Variants in HTR4 observed in about 807,000 individuals in gnomAD.
HTR4 encodes the protein 5-hydroxytryptamine (serotonin) receptor 4, G protein-coupled.
In HTR4, 16 loss-of-function variants were observed where a neutral mutation model predicts 36.8. The ratio of observed to expected loss-of-function variants is 0.43; its 90% CI spans 0.29 to 0.66. The LOEUF (loss-of-function observed/expected upper bound fraction) is 0.66, where lower values mean the gene tolerates loss of function less well. HTR4 is among the 30% of genes least tolerant of loss of function. The pLI is 0.13. For missense variants in HTR4, 438 were observed against 490.9 expected, an observed-to-expected ratio of 0.89 and a Z score of 1.02; for synonymous variants, 189 against 185.1, an observed-to-expected ratio of 1.02 and a Z score of -0.17.
At chr5:148,543,829 C>T (rs1355182675) in intron 4 of HTR4, among the ~76,000 whole-genome samples, 3 of 152,052 alleles carry the variant, frequency 2.0e-5, no homozygotes, top group East Asian at 1.9e-4. Flanking sequence ...TGATGCACCC[C>T]GTAAGAGATG....
chr5:148,483,193 T>A lies in HTR4; in HGVS notation c.*10A>T. ...GGCATGGCTGTCTTCTGGGTCATTG[T>A]CCCAGGGGCCTAAGTGTCACTGGGC... On this transcript the variant is annotated 3_prime_UTR_variant, in exon 7 of 7. Transcript: ENST00000377888. 1 of 1,613,920 alleles carries A rather than the reference T, an allele frequency of 6.2e-7. No individual in the cohort carries two copies. Among genetic ancestry groups the A allele is most frequent in the East Asian group, 2.2e-5 (1 of 44,840 alleles).
chr5:148,610,247 C>T (rs985538124), intron 2 of HTR4, among the ~76,000 whole-genome samples: 6 of 152,162 alleles, frequency 3.9e-5, no homozygotes, highest in East Asian at 1.9e-4. Context: ...CCAGCCTGAG[C>T]GACACAGAAG....
At chr5:148,622,310 G>A (rs1169231810) in intron 2 of HTR4, among the ~76,000 whole-genome samples, 1 of 152,110 alleles carries the variant, frequency 6.6e-6, no homozygotes, top group Non-Finnish European at 1.5e-5. Flanking sequence ...CTGCTTTGTG[G>A]ACTAATCTTT....
chr5:148,473,104 CCTGA>C (rs1755610848), downstream of HTR4, among the ~76,000 whole-genome samples: 1 of 151,876 alleles, frequency 6.6e-6, no homozygotes, highest in African/African-American at 2.4e-5. Context: ...TTGAGACCAT[CCTGA>C]CTAACATGGT....
chr5:148,609,951 T>G (rs573993610), intron 2 of HTR4, among the ~76,000 whole-genome samples: 1 of 152,284 alleles, frequency 6.6e-6, no homozygotes, highest in African/African-American at 2.4e-5. Context: ...TGAGTGAGAT[T>G]TGACTCCAGA....
intron 2 of HTR4, among the ~76,000 whole-genome samples, chr5:148,551,107 C>T (rs1759662816): frequency 6.6e-6 from 1 of 152,080 alleles, no homozygotes; most frequent in South Asian, 2.1e-4. Flanking sequence ...ACTGCTTGCT[C>T]AGTAGCAACT....
intron 6 of HTR4, among the ~76,000 whole-genome samples, chr5:148,491,926 C>T (rs900077147): frequency 2.6e-5 from 4 of 152,122 alleles, no homozygotes; most frequent in African/African-American, 4.8e-5. Flanking sequence ...CAACCAGACC[C>T]AATTAAAATG....
chr5:148,524,134 C>G (rs1214318683), intron 4 of HTR4, among the ~76,000 whole-genome samples: 2 of 152,066 alleles, frequency 1.3e-5, no homozygotes, highest in Non-Finnish European at 2.9e-5. Flanking sequence ...GGTGAACAAC[C>G]TGGAGCTTGC....
chr5:148,627,726 T>C (rs1342014967), intron 2 of HTR4, among the ~76,000 whole-genome samples: 2 of 152,198 alleles, frequency 1.3e-5, no homozygotes, highest in Non-Finnish European at 2.9e-5. Context: ...ACCTGACTGA[T>C]AAAATGGTAA....
At chr5:148,576,128 A>AAAAAAAAAAAAAC (rs1561629268) in intron 2 of HTR4, among the ~76,000 whole-genome samples, 12 of 144,678 alleles carry the variant, frequency 8.3e-5, no homozygotes, top group African/African-American at 2.8e-4. Context: ...AAAAAAAAAA[A>AAAAAAAAAAAAAC]AAAAACAAAA....
At chr5:148,610,375 C>T (rs189699090) in intron 2 of HTR4, among the ~76,000 whole-genome samples, 3,709 of 152,248 alleles carry the variant, frequency 0.024, 171 homozygotes, top group African/African-American at 0.085. Flanking sequence ...GACCCGTGAC[C>T]CCCGAGCAGC....
chr5:148,524,137 G>C (rs775201378), intron 4 of HTR4, among the ~76,000 whole-genome samples: 2 of 152,086 alleles, frequency 1.3e-5, no homozygotes, highest in Non-Finnish European at 2.9e-5. Context: ...GAACAACCTG[G>C]AGCTTGCATG....
At chr5:148,526,262 G>A (rs765642075) in intron 4 of HTR4, among the ~76,000 whole-genome samples, 2 of 152,156 alleles carry the variant, frequency 1.3e-5, no homozygotes, top group African/African-American at 2.4e-5. Flanking sequence ...ACTTCACACA[G>A]AGCAGTAAAA....
chr5:148,453,179 C>T (rs1164324041), intron 5 of HTR4, among the ~76,000 whole-genome samples: 1 of 152,194 alleles, frequency 6.6e-6, no homozygotes, highest in African/African-American at 2.4e-5. Context: ...CCAGGTTAGT[C>T]TTTCTAACTC....
intron 1 of HTR4, among the ~76,000 whole-genome samples, chr5:148,651,733 A>T (rs931224391): frequency 6.8e-6 from 1 of 147,866 alleles, no homozygotes; most frequent in Non-Finnish European, 1.5e-5. Flanking sequence ...TTGAATAAAA[A>T]TATTCAATAA....
At chr5:148,633,650 G>A (rs1192705756) in intron 2 of HTR4, among the ~76,000 whole-genome samples, 4 of 151,092 alleles carry the variant, frequency 2.6e-5, no homozygotes, top group Admixed American at 6.6e-5. Context: ...TTTTATCACC[G>A]TATTAAATAC....
At chr5:148,466,921 A>G (rs1020974324) in intron 5 of HTR4, among the ~76,000 whole-genome samples, 2 of 152,218 alleles carry the variant, frequency 1.3e-5, no homozygotes, top group African/African-American at 4.8e-5. Context: ...TAGTGTTACC[A>G]TCTGAAAACT....
chr5:148,476,160 C>G (rs1445523556), downstream of HTR4, among the ~76,000 whole-genome samples: 2 of 152,198 alleles, frequency 1.3e-5, no homozygotes, highest in Non-Finnish European at 1.5e-5. Context: ...CTGAATAACT[C>G]TCACTGGGTC....
At chr5:148,479,785 T>C (rs959933849), downstream of HTR4, among the ~76,000 whole-genome samples, 1 of 152,346 alleles carries the variant, frequency 6.6e-6, no homozygotes, top group African/African-American at 2.4e-5. Flanking sequence ...TCATGTTCTA[T>C]GTGGTGGGCA....
Sources: allele counts gnomAD v4.1 joint callset (sites outside exome capture counted in the v4.1 genomes callset), GRCh38; gene constraint gnomAD v4.1.1; transcripts MANE v1.5; gene names NCBI Gene and HGNC (gene_info 2026-07-23, HGNC 2026-07-21).